Variants in PTPRO observed in about 807,000 individuals in gnomAD.
The protein encoded by PTPRO is protein tyrosine phosphatase receptor type O.
PTPRO carries 62 observed loss-of-function variants against 145.2 expected under a neutral mutation model. The ratio of observed to expected loss-of-function variants is 0.43; its 90% CI spans 0.35 to 0.53. The LOEUF is 0.53. PTPRO is among the 20% of genes least tolerant of loss of function. PTPRO has a pLI of 0.01. For missense variants in PTPRO, 1,345 were observed against 1,482.7 expected, an observed-to-expected ratio of 0.91 and a Z score of 1.53; for synonymous variants, 565 against 514.7, an observed-to-expected ratio of 1.10 and a Z score of -1.32.
chr12:15,397,765 T>C (rs1167434283), intron 1 of PTPRO, among the ~76,000 whole-genome samples: 2 of 152,208 alleles, frequency 1.3e-5, no homozygotes, highest in Non-Finnish European at 2.9e-5. Context: ...ATCAGTTCTA[T>C]GTGTTTAGGT....
intron 1 of PTPRO, among the ~76,000 whole-genome samples, chr12:15,326,852 T>C (rs1866460713): frequency 6.6e-6 from 1 of 152,200 alleles, no homozygotes; most frequent in African/African-American, 2.4e-5. Context: ...CAGAAACATA[T>C]CCCAGTGCAG....
At chr12:15,495,209 ACTGGAGT>A (rs1158725010) in intron 2 of PTPRO, among the ~76,000 whole-genome samples, 2 of 151,794 alleles carry the variant, frequency 1.3e-5, no homozygotes, top group Non-Finnish European at 2.9e-5. Context: ...CATAAAATAT[ACTGGAGT>A]CTGAAGGTCT....
At chr12:15,343,353 A>C (rs1867070817) in intron 1 of PTPRO, among the ~76,000 whole-genome samples, 1 of 152,152 alleles carries the variant, frequency 6.6e-6, no homozygotes, top group Non-Finnish European at 1.5e-5. Flanking sequence ...ATTTTACGTT[A>C]AATGTCCTAA....
chr12:15,539,731 C>T (rs1003202090), intron 12 of PTPRO, among the ~76,000 whole-genome samples: 3 of 116,304 alleles, frequency 2.6e-5, no homozygotes, highest in African/African-American at 1.0e-4. Flanking sequence ...CGCTGCACTC[C>T]AGTCTGGGTG....
chr12:15,492,507 A>G (rs950407712), intron 2 of PTPRO, among the ~76,000 whole-genome samples: 2 of 152,148 alleles, frequency 1.3e-5, no homozygotes, highest in African/African-American at 2.4e-5. Context: ...CAGGAGTTCA[A>G]ATCAAGGCTG....
intron 1 of PTPRO, among the ~76,000 whole-genome samples, chr12:15,434,786 AG>A (rs1280159522): frequency 1.3e-5 from 2 of 152,236 alleles, no homozygotes; most frequent in Non-Finnish European, 2.9e-5. Context: ...ATTTAGCTAT[AG>A]GGATGTTCAA....
At chr12:15,568,408 T>C (rs1320894447) in intron 18 of PTPRO, among the ~76,000 whole-genome samples, 1 of 151,800 alleles carries the variant, frequency 6.6e-6, no homozygotes, top group African/African-American at 2.4e-5. Flanking sequence ...CCAGTCTGGG[T>C]GACAGAGTGA....
At chr12:15,580,869 A>T in intron 22 of PTPRO, 38 bp downstream of exon 22, 2 of 1,612,530 alleles carry the variant, frequency 1.2e-6, no homozygotes, top group Non-Finnish European at 1.7e-6. Context: ...TTAGCAGCAA[A>T]ACCTGCCCTA....
intron 2 of PTPRO, among the ~76,000 whole-genome samples, chr12:15,494,694 T>A (rs897817475): frequency 1.3e-5 from 2 of 152,106 alleles, no homozygotes; most frequent in African/African-American, 2.4e-5. Flanking sequence ...AGAAAAAAAA[T>A]TGGAAAATAA....
Position 15,501,911 on chromosome 12 carries a change from C to A in PTPRO, c.953C>A (p.Pro318His). The A allele has an allele frequency of 6.2e-7, 1 of 1,614,002 alleles. No individual in the cohort carries two copies. Among genetic ancestry groups the A allele is most frequent in the Non-Finnish European group, 8.5e-7 (1 of 1,179,972 alleles). The change falls in exon 5 of 27, where the codon CCC (proline) becomes CAC (histidine). Residue 318 changes from proline to histidine, a missense_variant. By Grantham distance (77) the Pro-to-His change is moderately conservative. Around this residue, in one of 3 missense-constraint regions of PTPRO, gnomAD observed 1,130 missense variants for 1,214.7 expected, o/e 0.93. Coordinates refer to ENST00000281171, the MANE Select transcript of PTPRO (RefSeq NM_030667.3). ...GAAGATGAATTTGTCAGCGTACTTC[C>A]CATGGAATACGAAAATAACAGTACA... ...ESEDEFVSVLPMEYENNSTLS... is the reference protein window; with the variant it reads ...ESEDEFVSVLHMEYENNSTLS...
In PTPRO at chr12:15,499,612, T is replaced by C. The variant is rs1942176591; in HGVS notation, c.661+18T>C. Reference sequence around the variant, plus strand: ...CAGAACTGGTAAGTCTCCTGAAGAATCAAATACAGTGAAAAAATAATTCAG... The same window carrying C: ...CAGAACTGGTAAGTCTCCTGAAGAACCAAATACAGTGAAAAAATAATTCAG... On this transcript the variant is annotated intron_variant, in intron 4 of 26. Transcript: ENST00000281171. 6.2e-7 allele frequency: 1 copy of C among 1,605,546 alleles called. No individual in the cohort carries two copies. The highest frequency in any genetic ancestry group is 8.5e-7 in the Non-Finnish European group (1 of 1,172,356).
intron 1 of PTPRO, among the ~76,000 whole-genome samples, chr12:15,472,017 C>T (rs576844543): frequency 1.3e-5 from 2 of 152,290 alleles, no homozygotes; most frequent in Admixed American, 6.5e-5. Flanking sequence ...GCAATGTCTG[C>T]AGAGAATCAT....
intron 1 of PTPRO, among the ~76,000 whole-genome samples, chr12:15,345,008 C>A (rs11056433): frequency 0.23 from 35,532 of 152,100 alleles, 4,494 homozygotes; most frequent in Non-Finnish European, 0.29. Flanking sequence ...ATCATCCTAT[C>A]TTTCTACAAT....
chr12:15,516,682 T>G, intron 8 of PTPRO, 81 bp from the exon 9 acceptor site: 1 of 1,263,870 alleles, frequency 7.9e-7, no homozygotes, highest in Non-Finnish European at 1.2e-6. Flanking sequence ...AAAACTCGGG[T>G]CATTAAGTAG....
At chr12:15,401,265 C>G (rs950136464) in intron 1 of PTPRO, among the ~76,000 whole-genome samples, 3 of 152,210 alleles carry the variant, frequency 2.0e-5, no homozygotes, top group Non-Finnish European at 4.4e-5. Flanking sequence ...ATGTGCAAGA[C>G]ACTTCCACTT....
At chr12:15,517,415 C>A (rs1049187380) in intron 9 of PTPRO, among the ~76,000 whole-genome samples, 2 of 152,126 alleles carry the variant, frequency 1.3e-5, no homozygotes, top group Non-Finnish European at 2.9e-5. Flanking sequence ...AGAACACAAC[C>A]AAACCATATT....
chr12:15,573,321 C>T (rs1944102620), intron 19 of PTPRO, among the ~76,000 whole-genome samples: 1 of 152,120 alleles, frequency 6.6e-6, no homozygotes, highest in Non-Finnish European at 1.5e-5. Context: ...AGCCACATTA[C>T]GTAGCATAAT....
At chr12:15,557,757 G>C (rs963211182) in intron 16 of PTPRO, among the ~76,000 whole-genome samples, 6 of 152,032 alleles carry the variant, frequency 3.9e-5, no homozygotes, top group Admixed American at 6.5e-5. Context: ...TACTAAACAA[G>C]GGACTGAAAC....
chr12:15,407,229 A>G (rs1345831333), intron 1 of PTPRO, among the ~76,000 whole-genome samples: 1 of 152,172 alleles, frequency 6.6e-6, no homozygotes, highest in African/African-American at 2.4e-5. Context: ...TTGTTAACTC[A>G]GCATTATTTA....
Sources: allele counts gnomAD v4.1 joint callset (sites outside exome capture counted in the v4.1 genomes callset), GRCh38; gene constraint gnomAD v4.1.1; regional missense constraint gnomAD v4.1.1; transcripts MANE v1.5; gene names NCBI Gene and HGNC (gene_info 2026-07-23, HGNC 2026-07-21).